SYT14: variants seen among roughly 807,000 people sequenced by gnomAD.
SYT14 encodes synaptotagmin 14, also known as synaptotagmin-14.
In SYT14, 32 loss-of-function variants were observed where a neutral mutation model predicts 74.2. The ratio of observed to expected loss-of-function variants is 0.43; its 90% confidence interval spans 0.33 to 0.58. The LOEUF (loss-of-function observed/expected upper bound fraction) is 0.58. Among genes scored for constraint, SYT14 ranks in the 20% least tolerant of loss-of-function variants. The probability of loss-of-function intolerance (pLI) is 0.05; values close to 1 mark genes in which losing one functional copy is unlikely to be tolerated. For synonymous variants in SYT14, 298 were observed against 337.7 expected (o/e 0.88, Z 1.29); for missense variants, 791 against 981.8 (o/e 0.81, Z 2.60).
At chr1:209,996,657 AAG>A (rs1287178097) in intron 2 of SYT14, among the ~76,000 whole-genome samples, 5 of 152,110 alleles carry the variant, frequency 3.3e-5, no homozygotes, top group Non-Finnish European at 5.9e-5. Flanking sequence ...ACAACAAAAA[AAG>A]AAAACTTCAG....
intron 5 of SYT14, among the ~76,000 whole-genome samples, chr1:210,089,344 G>A (rs999216575): frequency 9.9e-5 from 15 of 152,162 alleles, no homozygotes; most frequent in African/African-American, 3.6e-4. Context: ...AAACATACAT[G>A]TGCATGTGTC....
chr1:210,048,187 G>A (rs2080922130), intron 5 of SYT14, among the ~76,000 whole-genome samples: 1 of 152,044 alleles, frequency 6.6e-6, no homozygotes, highest in South Asian at 2.1e-4. Flanking sequence ...TTTCTATTCA[G>A]TGTTATCCAC....
chr1:210,109,811 G>A (rs934756694), intron 7 of SYT14, among the ~76,000 whole-genome samples: 9 of 151,996 alleles, frequency 5.9e-5, no homozygotes, highest in African/African-American at 9.7e-5. Flanking sequence ...ATAGAGACAC[G>A]TACACATGTA....
intron 2 of SYT14, among the ~76,000 whole-genome samples, chr1:209,958,421 AAC>A (rs1368145184): frequency 2.0e-5 from 3 of 151,378 alleles, no homozygotes; most frequent in African/African-American, 7.4e-5. Flanking sequence ...GTTCCTTAAA[AAC>A]AAAAAGCCTT....
intron 2 of SYT14, among the ~76,000 whole-genome samples, chr1:209,997,949 T>C (rs2079827738): frequency 1.3e-5 from 2 of 152,180 alleles, no homozygotes; most frequent in South Asian, 4.1e-4. Context: ...TCTTGAAGAT[T>C]TATAATGTTC....
At chr1:210,125,515 GT>G (rs1488926791) in intron 7 of SYT14, among the ~76,000 whole-genome samples, 1 of 152,154 alleles carries the variant, frequency 6.6e-6, no homozygotes, top group Non-Finnish European at 1.5e-5. Context: ...AAGATAGTAT[GT>G]TTTTTAAGTC....
At chr1:210,096,197 G>C (rs2081963647) in intron 6 of SYT14, among the ~76,000 whole-genome samples, 1 of 152,102 alleles carries the variant, frequency 6.6e-6, no homozygotes, top group African/African-American at 2.4e-5. Context: ...TTCCAACCCA[G>C]GTCTGTCTGA....
intron 7 of SYT14, among the ~76,000 whole-genome samples, chr1:210,148,424 G>A (rs994710600): frequency 1.3e-5 from 2 of 151,904 alleles, no homozygotes; most frequent in East Asian, 1.9e-4. Flanking sequence ...CAGGAGAATG[G>A]TGTGAACCCG....
chr1:209,965,731 G>T (rs2079146175), intron 2 of SYT14, among the ~76,000 whole-genome samples: 1 of 152,096 alleles, frequency 6.6e-6, no homozygotes, highest in African/African-American at 2.4e-5. Context: ...TATGTATGAT[G>T]TGAGATACAT....
intron 2 of SYT14, among the ~76,000 whole-genome samples, chr1:209,998,670 A>G (rs1003945590): frequency 2.0e-5 from 3 of 152,150 alleles, no homozygotes; most frequent in African/African-American, 7.2e-5. Flanking sequence ...CATTTTGACA[A>G]AAGCCCCAAG....
rs117163232 is a variant in SYT14, at chr1:210,054,732, G to A, written c.1312+33478G>A. ...TGTCTCTTAGGCCCCTTAATTTTTC[G>A]GAATAATCCTCCATTATCCTCATTA... On this transcript the variant is annotated intron_variant, in intron 5 of 9. Coordinates refer to ENST00000637265, the Ensembl canonical transcript of SYT14. Among the ~76,000 whole-genome samples, 168 of 152,096 alleles carry A rather than the reference G, an allele frequency of 1.1e-3. 6 individuals are homozygous for A. The East Asian group carries it at 0.029, about 26-fold the overall frequency.
intron 5 of SYT14, among the ~76,000 whole-genome samples, chr1:210,078,275 A>G: frequency 7.8e-6 from 1 of 127,758 alleles, no homozygotes; most frequent in African/African-American, 2.9e-5. Flanking sequence ...ACGCCACTGC[A>G]CTCCAGCCTG....
chr1:210,011,424 G>C (rs1411777344), intron 2 of SYT14, among the ~76,000 whole-genome samples: 1 of 152,040 alleles, frequency 6.6e-6, no homozygotes, highest in East Asian at 1.9e-4. Flanking sequence ...ATAATTTCTT[G>C]GTTCTAGGAG....
intron 5 of SYT14, among the ~76,000 whole-genome samples, chr1:210,039,395 A>G (rs2080736969): frequency 6.6e-6 from 1 of 152,136 alleles, no homozygotes; most frequent in South Asian, 2.1e-4. Flanking sequence ...AAGATGGATT[A>G]AAGACTTAAA....
At chr1:209,990,566 TATATGTATGTATA>T (rs1315372622) in intron 2 of SYT14, among the ~76,000 whole-genome samples, 1 of 102,836 alleles carries the variant, frequency 9.7e-6, no homozygotes, top group African/African-American at 2.7e-5. Flanking sequence ...TATACGTATA[TATATGTATGTATA>T]TTTCTTGTTT....
rs2078706722 is a variant in SYT14 at position 209,940,234 on chromosome 1, A to G, written c.-534+1957A>G. Among the ~76,000 whole-genome samples the G allele has an allele frequency of 2.0e-5, 3 of 152,250 alleles. No homozygotes were observed. The East Asian group carries it at 5.8e-4, about 29-fold the overall frequency. On this transcript the variant is annotated intron_variant, in intron 1 of 9. Coordinates refer to ENST00000637265, the Ensembl canonical transcript of SYT14. ...CCCTTCCTAGGCTGTGTTATGAAGT[A>G]GAATGAGTTCTGCATGAGACTCTGT... is the stretch of plus-strand genomic sequence containing the variant.
Position 210,021,302 on chromosome 1 carries a change from G to C in SYT14, c.1312+48G>C, listed in dbSNP as rs369872257. 27 of 1,513,456 alleles carry C rather than the reference G, an allele frequency of 1.8e-5. No homozygotes were observed. The African/African-American group carries it at 3.2e-4, about 18-fold the overall frequency. The allele number at this position is 1,513,456 out of a possible 1,614,324, so 93.8% of individuals were successfully genotyped here. ...TTTTACATGACACACTATAGTATTT[G>C]ATTACTTGTGCCTGAAATTCTAGGA... On this transcript the variant is annotated intron_variant, in intron 5 of 9. Transcript: ENST00000637265.
In SYT14 at chr1:209,938,288, G is replaced by A. The variant is rs765429223; in HGVS notation, c.-534+11G>A. ...TCATGGCGATTGAAGGTAAGTGGAG[G>A]CTGACAGCGGGGAGCGAGGACCGGG... On this transcript the variant is annotated intron_variant, in intron 1 of 9. Transcript: ENST00000637265. 27 of 1,557,142 alleles carry A rather than the reference G, an allele frequency of 1.7e-5. No individual in the cohort carries two copies. The South Asian group carries it at 3.0e-4, about 17-fold the overall frequency.
At chr1:210,164,643 A>G (rs1310113804) in exon 10 of SYT14, 1 of 152,178 alleles carries the variant, frequency 6.6e-6, no homozygotes, top group Non-Finnish European at 1.5e-5. Flanking sequence ...GGTCACCACC[A>G]AGTATTTTTC....
Sources: allele counts gnomAD v4.1 joint callset (sites outside exome capture counted in the v4.1 genomes callset), GRCh38; gene constraint gnomAD v4.1.1; transcripts MANE v1.5; gene names NCBI Gene and HGNC (gene_info 2026-07-23, HGNC 2026-07-21).